Variants in SCD5 observed in about 807,000 individuals in gnomAD.
SCD5 encodes the protein stearoyl-CoA desaturase 5, also known as acyl-CoA-desaturase 4.
A neutral mutation model predicts 30.4 loss-of-function variants in SCD5; 20 were observed. The observed-to-expected ratio is 0.66, with a 90% CI of 0.46 to 0.96. The LOEUF (loss-of-function observed/expected upper bound fraction) is 0.96, where lower values mean the gene tolerates loss of function less well. Among genes scored for constraint, SCD5 ranks in the 40% least tolerant of loss-of-function variants. The probability of loss-of-function intolerance (pLI) is 0.00; values close to 1 mark genes in which losing one functional copy is unlikely to be tolerated. For synonymous variants in SCD5, 173 were observed against 176.4 expected (o/e 0.98, Z 0.16); for missense variants, 381 against 443.3 (o/e 0.86, Z 1.26).
intron 3 of SCD5, among the ~76,000 whole-genome samples, chr4:82,656,296 C>T (rs2148815789): frequency 6.6e-6 from 1 of 152,196 alleles, no homozygotes; most frequent in African/African-American, 2.4e-5. Context: ...ATGTTCCCTT[C>T]CCTGTGTCCA....
At chr4:82,737,547 T>C (rs2148837748) in intron 1 of SCD5, among the ~76,000 whole-genome samples, 1 of 152,318 alleles carries the variant, frequency 6.6e-6, no homozygotes, top group East Asian at 1.9e-4. Context: ...CTGCACACTG[T>C]AATCCCCTCA....
intron 3 of SCD5, among the ~76,000 whole-genome samples, chr4:82,653,729 G>GAT (rs1553914428): frequency 6.6e-6 from 1 of 151,754 alleles, no homozygotes; most frequent in African/African-American, 2.4e-5. Context: ...GATAGATATA[G>GAT]ATAGATAGGC....
intron 3 of SCD5, among the ~76,000 whole-genome samples, chr4:82,653,727 T>G (rs1012567794): frequency 1.3e-5 from 2 of 151,492 alleles, no homozygotes; most frequent in South Asian, 2.1e-4. Flanking sequence ...TAGATAGATA[T>G]AGATAGATAG....
chr4:82,779,455 T>C (rs1721823868), intron 1 of SCD5, among the ~76,000 whole-genome samples: 1 of 152,200 alleles, frequency 6.6e-6, no homozygotes, highest in African/African-American at 2.4e-5. Flanking sequence ...AGGTCAGGTT[T>C]CTAATCTGCA....
At chr4:82,712,275 TATATATATATATATA>T (rs1720117290) in intron 1 of SCD5, among the ~76,000 whole-genome samples, 1 of 50,616 alleles carries the variant, frequency 2.0e-5, no homozygotes, top group African/African-American at 1.2e-4. Context: ...TATATATATA[TATATATATATATATA>T]TATATATTTT....
At position 82,631,167 on chromosome 4, in the gene SCD5, AAC is replaced by A; in HGVS notation, c.*158_*159del. The A allele has an allele frequency of 1.8e-6, 1 of 554,074 alleles. No individual in the cohort carries two copies. 34.3% of individuals were successfully genotyped at this position (554,074 alleles called of 1,614,324 possible). On this transcript the variant is annotated 3_prime_UTR_variant, in exon 5 of 5. Transcript: ENST00000319540. Reference sequence around the variant, plus strand: ...GTTTTTTCATTGATAATTGTATTTCAACATTATTTTGAGATAAACAAAAACAT... The same window carrying A: ...GTTTTTTCATTGATAATTGTATTTCAATTATTTTGAGATAAACAAAAACAT...
rs570312211 is a variant in SCD5 at position 82,669,898 on chromosome 4, C to T, written c.569+10809G>A. Reference sequence around the variant, plus strand: ...ATACTCAACTCCAGCCCATTCTAGCCATCTTGTTCCACCTAAATGAGGAGA... The same window carrying T: ...ATACTCAACTCCAGCCCATTCTAGCTATCTTGTTCCACCTAAATGAGGAGA... On this transcript the variant is annotated intron_variant, in intron 3 of 4. Coordinates refer to ENST00000319540, the MANE Select transcript of SCD5 (RefSeq NM_001037582.3). Among the ~76,000 whole-genome samples, 33 of 152,224 alleles carry T rather than the reference C, an allele frequency of 2.2e-4. No homozygotes were observed. The South Asian group carries it at 5.8e-3, about 27-fold the overall frequency.
chr4:82,797,549 A>C (rs1351476350), intron 1 of SCD5, among the ~76,000 whole-genome samples: 1 of 151,934 alleles, frequency 6.6e-6, no homozygotes, highest in Admixed American at 6.6e-5. Flanking sequence ...GGGTACCAGG[A>C]GAGCCACAGG....
At chr4:82,764,830 G>A (rs1357732572) in intron 1 of SCD5, among the ~76,000 whole-genome samples, 13 of 151,450 alleles carry the variant, frequency 8.6e-5, no homozygotes, top group Non-Finnish European at 5.9e-5. Flanking sequence ...GGGTTCAAGC[G>A]ATTCTCCTGC....
chr4:82,732,771 A>C (rs1720671235), intron 1 of SCD5, among the ~76,000 whole-genome samples: 1 of 152,180 alleles, frequency 6.6e-6, no homozygotes, highest in African/African-American at 2.4e-5. Flanking sequence ...GGTACTAAAG[A>C]CAGAAAGTGA....
At chr4:82,633,485 T>C (rs1727362925) in intron 4 of SCD5, among the ~76,000 whole-genome samples, 1 of 152,244 alleles carries the variant, frequency 6.6e-6, no homozygotes, top group Non-Finnish European at 1.5e-5. Flanking sequence ...TCATTTCCTT[T>C]GGATCTATAC....
chr4:82,681,776 A>G (rs116097903), intron 2 of SCD5, among the ~76,000 whole-genome samples: 1,680 of 152,052 alleles, frequency 0.011, 30 homozygotes, highest in African/African-American at 0.039. Context: ...TGAACTTAAA[A>G]GTTAAAAAAA....
At chr4:82,725,970 C>A (rs1720460537) in intron 1 of SCD5, among the ~76,000 whole-genome samples, 1 of 152,200 alleles carries the variant, frequency 6.6e-6, no homozygotes, top group African/African-American at 2.4e-5. Context: ...AGTCATGGAA[C>A]CTAAGTGAGG....
chr4:82,736,851 A>T (rs1720762919), intron 1 of SCD5, among the ~76,000 whole-genome samples: 1 of 152,036 alleles, frequency 6.6e-6, no homozygotes, highest in Admixed American at 6.6e-5. Context: ...AATTTTGTAG[A>T]CACGGGGTCT....
At chr4:82,724,575 T>C (rs1266310412) in intron 1 of SCD5, among the ~76,000 whole-genome samples, 1 of 152,136 alleles carries the variant, frequency 6.6e-6, no homozygotes, top group African/African-American at 2.4e-5. Flanking sequence ...CTAGAGTAAG[T>C]GGGAAAGGCA....
At chr4:82,741,761 C>T (rs551425470) in intron 1 of SCD5, among the ~76,000 whole-genome samples, 69 of 147,024 alleles carry the variant, frequency 4.7e-4, no homozygotes, top group African/African-American at 1.6e-3. Flanking sequence ...GACCCCCTTA[C>T]ACAGAATTCA....
intron 3 of SCD5, among the ~76,000 whole-genome samples, chr4:82,646,139 A>T (rs189152454): frequency 1.5e-3 from 233 of 152,332 alleles, no homozygotes; most frequent in Admixed American, 2.9e-3. Flanking sequence ...ATGCACTGTA[A>T]TGATGAGTGA....
At chr4:82,639,860 G>A (rs895509175) in intron 3 of SCD5, among the ~76,000 whole-genome samples, 1 of 152,230 alleles carries the variant, frequency 6.6e-6, no homozygotes, top group Non-Finnish European at 1.5e-5. Context: ...TTTCAAGAGA[G>A]CCTCTCCCAG....
intron 1 of SCD5, among the ~76,000 whole-genome samples, chr4:82,724,865 G>C (rs1372999929): frequency 6.6e-6 from 1 of 152,220 alleles, no homozygotes; most frequent in Non-Finnish European, 1.5e-5. Flanking sequence ...CCCAGGGCCT[G>C]TCCTCCACTG....
Sources: allele counts gnomAD v4.1 joint callset (sites outside exome capture counted in the v4.1 genomes callset), GRCh38; gene constraint gnomAD v4.1.1; transcripts MANE v1.5; gene names NCBI Gene and HGNC (gene_info 2026-07-23, HGNC 2026-07-21).